Variants in MYT1L observed in about 807,000 individuals in gnomAD.
MYT1L encodes the protein myelin transcription factor 1 like.
A neutral mutation model predicts 126.7 loss-of-function variants in MYT1L; 12 were observed. The ratio of observed to expected loss-of-function variants is 0.09; its 90% CI spans 0.06 to 0.15. MYT1L has a LOEUF of 0.15. Among genes scored for constraint, MYT1L ranks in the 10% least tolerant of loss-of-function variants. The pLI is 1.00. For missense variants in MYT1L, 979 were observed against 1,585.2 expected (o/e 0.62, Z 6.49); for synonymous variants, 541 against 604.2 (o/e 0.90, Z 1.53).
intron 3 of MYT1L, among the ~76,000 whole-genome samples, chr2:2,167,931 A>T (rs1281586586): frequency 6.6e-6 from 1 of 152,254 alleles, no homozygotes; most frequent in African/African-American, 2.4e-5. Context: ...AACATACGTT[A>T]TATAAATGCA....
At chr2:2,117,137 C>A in intron 3 of MYT1L, among the ~76,000 whole-genome samples, 1 of 152,182 alleles carries the variant, frequency 6.6e-6, no homozygotes, top group East Asian at 1.9e-4. Context: ...TTCAGTAAGC[C>A]CTCAGGGTCT....
chr2:2,002,300 C>CGTCA lies in MYT1L; in HGVS notation c.-157-4954_-157-4953insTGAC, dbSNP rs571936146. Reference sequence around the variant, plus strand: ...TCTGCTGCTGCCGAACAGCAGCCTGCCTTGACCTCTTCTAGCCCAATACCT... The same window carrying CGTCA: ...TCTGCTGCTGCCGAACAGCAGCCTGCGTCACTTGACCTCTTCTAGCCCAATACCT... On this transcript the variant is annotated intron_variant, in intron 4 of 24. Transcript: ENST00000647738. Among the ~76,000 whole-genome samples, 667 of 152,260 alleles carry CGTCA rather than the reference C, an allele frequency of 4.4e-3. 6 individuals are homozygous for CGTCA. Among genetic ancestry groups the CGTCA allele is most frequent in the African/African-American group, 0.015 (640 of 41,538 alleles).
At position 1,848,839 on chromosome 2, in the gene MYT1L, G is replaced by A. The variant is rs1438820333; in HGVS notation, c.2774+2802C>T. The stretch of plus-strand genomic sequence containing the variant: ...TCTGCTGAGCAACGTGCCCAGCCCC[G>A]CTTAGATGTCTATACTAGGGAAGCT... On this transcript the variant is annotated intron_variant, in intron 19 of 24. Transcript: ENST00000647738. This position sits in a 1 kb window ranked among gnomAD's most constrained non-coding sequence, Gnocchi z 4.8. Among the ~76,000 whole-genome samples the A allele has an allele frequency of 6.6e-6, 1 of 152,116 alleles. No individual in the cohort carries two copies. The highest frequency in any genetic ancestry group is 1.9e-4 in the East Asian group (1 of 5,182).
Position 1,942,998 on chromosome 2 carries a change from T to TTCC in MYT1L, c.486_488dup (p.Glu167dup), listed in dbSNP as rs148009982. 949 of 1,529,894 alleles carry TTCC rather than the reference T, an allele frequency of 6.2e-4. No homozygotes were observed. The highest frequency in any genetic ancestry group is 7.0e-4 in the Non-Finnish European group (794 of 1,132,288). The allele number at this position is 1,529,894 out of a possible 1,614,324, so 94.8% of individuals were successfully genotyped here. A position where few individuals can be genotyped will look rare whatever the true frequency, so the allele number is the denominator to read the frequency against. ...AAAGATTACCGTTTTCTTCTTCCTCTTCCTCCTCCTCCTCCTCCTCCTCTT... is the reference window on the plus strand; with the variant it reads ...AAAGATTACCGTTTTCTTCTTCCTCTTCCTCCTCCTCCTCCTCCTCCTCCTCTT... On this transcript the variant is annotated inframe_insertion, in exon 9 of 25. Coordinates refer to ENST00000647738, the MANE Select transcript of MYT1L (RefSeq NM_001303052.2).
intron 4 of MYT1L, among the ~76,000 whole-genome samples, chr2:2,021,438 G>T (rs935487167): frequency 2.0e-5 from 3 of 152,158 alleles, no homozygotes; most frequent in African/African-American, 4.8e-5. Flanking sequence ...CAGCCCTCTG[G>T]GGCCTAGTCC....
intron 13 of MYT1L, among the ~76,000 whole-genome samples, chr2:1,907,697 T>G (rs1411916888): frequency 6.6e-6 from 1 of 152,278 alleles, no homozygotes; most frequent in Non-Finnish European, 1.5e-5. Context: ...AACGATTTAT[T>G]TAAAGACTTT....
intron 2 of MYT1L, among the ~76,000 whole-genome samples, chr2:2,219,161 A>G (rs2093779428): frequency 6.6e-6 from 1 of 152,162 alleles, no homozygotes; most frequent in Admixed American, 6.5e-5. Flanking sequence ...ATGATTTTAC[A>G]GTTTTGCCAT....
chr2:1,829,097 G>A (rs73913423), intron 21 of MYT1L, among the ~76,000 whole-genome samples: 6,940 of 152,138 alleles, frequency 0.046, 514 homozygotes, highest in African/African-American at 0.16. Flanking sequence ...TGCATCTACT[G>A]GCTGCCCAGC....
chr2:1,886,729 T>C (rs2048224755), intron 17 of MYT1L, 122 bp from the exon 18 acceptor site: 2 of 472,340 alleles, frequency 4.2e-6, no homozygotes, highest in Non-Finnish European at 7.1e-6. Flanking sequence ...AAGTGCTGTA[T>C]ATTGAATTTT....
intron 3 of MYT1L, among the ~76,000 whole-genome samples, chr2:2,095,004 T>C (rs1374296684): frequency 6.6e-6 from 1 of 152,254 alleles, no homozygotes; most frequent in Non-Finnish European, 1.5e-5. Flanking sequence ...AAGCGAGCCG[T>C]GTCTCCAAGG....
At chr2:2,086,096 C>T (rs151015448) in intron 3 of MYT1L, among the ~76,000 whole-genome samples, 52 of 152,278 alleles carry the variant, frequency 3.4e-4, no homozygotes, top group Middle Eastern at 3.4e-3. Context: ...TTCTTAGGGT[C>T]TTCCTGCTTA....
chr2:2,280,738 G>A lies in MYT1L; in HGVS notation c.-421+3666C>T, dbSNP rs528674138. ...GGGTCAGACCCCATCAGGAGGTGGAGAGGAAGCTTCAACCAAACAAACCAT... is the reference window on the plus strand; with the variant it reads ...GGGTCAGACCCCATCAGGAGGTGGAAAGGAAGCTTCAACCAAACAAACCAT... On this transcript the variant is annotated intron_variant, in intron 2 of 24. Transcript: ENST00000647738. 5.9e-5 allele frequency among the ~76,000 whole-genome samples: 9 copies of A among 152,308 alleles called. No homozygotes were observed. In the South Asian group the frequency reaches 1.9e-3, roughly 32 times the overall value.
At chr2:1,941,330 G>A (rs974940792) in intron 9 of MYT1L, among the ~76,000 whole-genome samples, 1 of 152,206 alleles carries the variant, frequency 6.6e-6, no homozygotes, top group Non-Finnish European at 1.5e-5. Flanking sequence ...GAACGTGAAA[G>A]AGCCACATTG....
At chr2:1,904,337 G>T (rs1453434471) in intron 13 of MYT1L, among the ~76,000 whole-genome samples, 1 of 152,092 alleles carries the variant, frequency 6.6e-6, no homozygotes, top group Non-Finnish European at 1.5e-5. Flanking sequence ...AGCTGGTCAG[G>T]TTTTGTAGAA....
At chr2:1,840,870 C>A in intron 19 of MYT1L, 27 bp from the exon 20 acceptor site, 1 of 1,432,738 alleles carries the variant, frequency 7.0e-7, no homozygotes, top group Non-Finnish European at 9.5e-7. Flanking sequence ...TTTCAGAAAG[C>A]ACCCCACACC....
At chr2:2,016,291 C>G (rs773478859) in intron 4 of MYT1L, among the ~76,000 whole-genome samples, 48 of 152,298 alleles carry the variant, frequency 3.2e-4, no homozygotes, top group South Asian at 6.2e-4. Flanking sequence ...GAACACAGAG[C>G]AAGAAGATGG....
At chr2:2,284,951 C>T (rs1047910538) in intron 1 of MYT1L, among the ~76,000 whole-genome samples, 2 of 152,066 alleles carry the variant, frequency 1.3e-5, no homozygotes, top group Admixed American at 6.5e-5. Context: ...CTCCTGACCT[C>T]GGGATCCGCC....
chr2:2,323,927 C>A (rs1032435315), intron 1 of MYT1L: 5 of 152,142 alleles, frequency 3.3e-5, no homozygotes, highest in African/African-American at 9.7e-5. Context: ...TCTCGATGCA[C>A]GGTTTCAGAA....
rs2032108954 is a variant in MYT1L, at chr2:1,791,614, C to G, written c.*253G>C. 4.3e-6 allele frequency: 2 copies of G among 467,538 alleles called. No homozygotes were observed. Among genetic ancestry groups the G allele is most frequent in the Non-Finnish European group, 7.6e-6 (2 of 264,718 alleles). The allele number at this position is 467,538 out of a possible 1,614,324, so 29.0% of individuals were successfully genotyped here. A position where few individuals can be genotyped will look rare whatever the true frequency, so the allele number is the denominator to read the frequency against. On this transcript the variant is annotated 3_prime_UTR_variant, in exon 25 of 25. Coordinates refer to ENST00000647738, the MANE Select transcript of MYT1L (RefSeq NM_001303052.2). The surrounding 1 kb of genome is among the most constrained non-coding windows in gnomAD (Gnocchi z 6.0). ...GATATACCCCCAAATGTGCATACAT[C>G]AGCAGCTATAAACATTACATGGCAG...
Sources: allele counts gnomAD v4.1 joint callset (sites outside exome capture counted in the v4.1 genomes callset), GRCh38; gene constraint gnomAD v4.1.1; non-coding constraint Gnocchi (gnomAD v3.1); transcripts MANE v1.5; gene names NCBI Gene and HGNC (gene_info 2026-07-23, HGNC 2026-07-21).